The following TAF1B variants were observed in gnomAD, a reference collection of about 807,000 sequenced individuals.
The protein encoded by TAF1B is TATA-box binding protein associated factor, RNA polymerase I subunit B.
Under a neutral mutation model 83.9 loss-of-function variants are expected in TAF1B, and 61 were observed. That is an observed-to-expected ratio of 0.73 (90% CI 0.59 to 0.90). The LOEUF is 0.90. Ranked by LOEUF, TAF1B falls within the 40% of genes least tolerant of loss-of-function variation. The pLI is 0.00. For missense variants in TAF1B, 625 were observed against 677.0 expected (o/e 0.92, Z 0.85); for synonymous variants, 221 against 224.6 (o/e 0.98, Z 0.14).
intron 8 of TAF1B, among the ~76,000 whole-genome samples, chr2:9,895,505 G>GA (rs35432881): frequency 3.3e-5 from 5 of 149,780 alleles, no homozygotes; most frequent in African/African-American, 4.9e-5. Flanking sequence ...TGTCTCAAAA[G>GA]AAAAAAAAAA....
chr2:9,880,435 T>TC (rs1306243587), intron 7 of TAF1B, among the ~76,000 whole-genome samples: 5 of 123,912 alleles, frequency 4.0e-5, no homozygotes, highest in Non-Finnish European at 9.1e-5. Flanking sequence ...GCTTTTTTTT[T>TC]TTTTTTTTTT....
chr2:9,876,726 G>T lies in TAF1B; in HGVS notation c.707+708G>T, dbSNP rs1033541352. On this transcript the variant is annotated intron_variant, in intron 7 of 14. Coordinates refer to ENST00000263663, the MANE Select transcript of TAF1B (RefSeq NM_005680.3). ...ACTGCTGGGTTTGAATCCTGGCTTTGCCACTTATTTATTATATGACCTTGA... is the reference window on the plus strand; with the variant it reads ...ACTGCTGGGTTTGAATCCTGGCTTTTCCACTTATTTATTATATGACCTTGA... Among the ~76,000 whole-genome samples, 3 of 152,132 alleles carry T rather than the reference G, an allele frequency of 2.0e-5. No individual in the cohort carries two copies. In the East Asian group the frequency reaches 5.8e-4, roughly 29 times the overall value.
chr2:9,855,299 G>C (rs1663526551), intron 5 of TAF1B, among the ~76,000 whole-genome samples: 3 of 152,174 alleles, frequency 2.0e-5, no homozygotes, highest in Admixed American at 2.0e-4. Flanking sequence ...CCAGCCAGTT[G>C]GATAATTTTT....
chr2:9,879,834 A>G (rs1664440963), intron 7 of TAF1B, among the ~76,000 whole-genome samples: 1 of 152,196 alleles, frequency 6.6e-6, no homozygotes, highest in Non-Finnish European at 1.5e-5. Flanking sequence ...GTGGTTTTCA[A>G]TATGTTTTCA....
chr2:9,861,265 G>A (rs937923745), intron 5 of TAF1B, among the ~76,000 whole-genome samples: 3 of 152,218 alleles, frequency 2.0e-5, no homozygotes, highest in Non-Finnish European at 2.9e-5. Flanking sequence ...TGCGCTTTTC[G>A]AACGGGCTTA....
intron 9 of TAF1B, among the ~76,000 whole-genome samples, chr2:9,910,208 G>A (rs895285732): frequency 6.6e-6 from 1 of 152,210 alleles, no homozygotes; most frequent in African/African-American, 2.4e-5. Flanking sequence ...TGATTGGAAA[G>A]CTTAAATATA....
chr2:9,891,702 C>T (rs1664879043), intron 8 of TAF1B, among the ~76,000 whole-genome samples: 2 of 151,648 alleles, frequency 1.3e-5, no homozygotes, highest in Admixed American at 1.3e-4. Flanking sequence ...TAGGCCTGGG[C>T]TAAATGTGTA....
intron 5 of TAF1B, among the ~76,000 whole-genome samples, chr2:9,856,693 T>A (rs530797786): frequency 4.6e-4 from 70 of 152,328 alleles, no homozygotes; most frequent in African/African-American, 1.7e-3. Flanking sequence ...TTGGGTTAAC[T>A]TAAGTTTTTT....
intron 14 of TAF1B, among the ~76,000 whole-genome samples, chr2:9,931,838 C>T (rs925410733): frequency 1.3e-5 from 2 of 152,210 alleles, no homozygotes; most frequent in Non-Finnish European, 2.9e-5. Context: ...TTCACATAGT[C>T]CCATATTTCT....
chr2:9,844,054 G>C (rs1205286325), intron 1 of TAF1B, among the ~76,000 whole-genome samples: 1 of 152,178 alleles, frequency 6.6e-6, no homozygotes, highest in East Asian at 1.9e-4. Flanking sequence ...ATCATTCATC[G>C]TAGTGTTAGT....
At chr2:9,862,630 G>C (rs1357298019) in intron 5 of TAF1B, among the ~76,000 whole-genome samples, 2 of 152,108 alleles carry the variant, frequency 1.3e-5, no homozygotes, top group East Asian at 3.8e-4. Context: ...GCAACTCCAA[G>C]ACACATAATT....
At chr2:9,928,492 C>G (rs1230897339) in intron 14 of TAF1B, among the ~76,000 whole-genome samples, 1 of 152,148 alleles carries the variant, frequency 6.6e-6, no homozygotes, top group Non-Finnish European at 1.5e-5. Context: ...TATCCATGAC[C>G]ATGGAATGTT....
In TAF1B at chr2:9,914,715, G is replaced by T. The variant is rs1026405629; in HGVS notation, c.1271+1466G>T. Among the ~76,000 whole-genome samples, 5 of 152,188 alleles carry T rather than the reference G, an allele frequency of 3.3e-5. No individual in the cohort carries two copies. The highest frequency in any genetic ancestry group is 9.7e-5 in the African/African-American group (4 of 41,434). ...TGGTTATAAAATGGCACTTTCCAGG[G>T]AGGTACCGGGCCCCAAGGTGGAGGC... On this transcript the variant is annotated intron_variant, in intron 12 of 14. Coordinates refer to ENST00000263663, the MANE Select transcript of TAF1B (RefSeq NM_005680.3). This position sits in a 1 kb window ranked among gnomAD's most constrained non-coding sequence, Gnocchi z 4.3.
At chr2:9,911,950 CTCTTTAT>C (rs549603755) in intron 11 of TAF1B, among the ~76,000 whole-genome samples, 46 of 152,290 alleles carry the variant, frequency 3.0e-4, no homozygotes, top group African/African-American at 1.1e-3. Flanking sequence ...TGGCAAATGC[CTCTTTAT>C]TCTTGAAGAT....
At chr2:9,926,394 C>T (rs914848690) in intron 14 of TAF1B, among the ~76,000 whole-genome samples, 1 of 151,980 alleles carries the variant, frequency 6.6e-6, no homozygotes, top group Non-Finnish European at 1.5e-5. Flanking sequence ...TCTCTTTTTT[C>T]TTCTTACAAT....
intron 14 of TAF1B, among the ~76,000 whole-genome samples, chr2:9,924,409 A>T (rs1665974649): frequency 6.6e-6 from 1 of 152,232 alleles, no homozygotes; most frequent in African/African-American, 2.4e-5. Flanking sequence ...TCTTGACGGC[A>T]AACATAAATG....
intron 5 of TAF1B, among the ~76,000 whole-genome samples, chr2:9,865,355 A>G (rs1467358059): frequency 6.6e-6 from 1 of 152,230 alleles, no homozygotes; most frequent in Non-Finnish European, 1.5e-5. Context: ...TTCAAAGAGA[A>G]TAAAATACCT....
At chr2:9,847,164 A>G (rs367573026) in intron 2 of TAF1B, among the ~76,000 whole-genome samples, 1 of 152,194 alleles carries the variant, frequency 6.6e-6, no homozygotes, top group East Asian at 1.9e-4. Context: ...ACTTCTCCCT[A>G]GCTCCACATT....
chr2:9,910,637 C>A, intron 9 of TAF1B, 99 bp from the exon 10 acceptor site: 1 of 1,023,394 alleles, frequency 9.8e-7, no homozygotes, highest in Non-Finnish European at 1.4e-6. Flanking sequence ...TGAGTTCTTG[C>A]ATAGTGTCGT....
Sources: gnomAD v4.1 joint callset for allele counts (sites outside exome capture counted in the v4.1 genomes callset) on GRCh38, gnomAD v4.1.1 for gene constraint, Gnocchi (gnomAD v3.1) non-coding constraint, MANE v1.5 for transcripts, NCBI Gene and HGNC (gene_info 2026-07-23, HGNC 2026-07-21) for gene names.